Variants in CRISPLD2 observed in about 807,000 individuals in gnomAD.
The protein encoded by CRISPLD2 is cysteine rich secretory protein LCCL domain containing 2.
Under a neutral mutation model 71.1 loss-of-function variants are expected in CRISPLD2, and 47 were observed. That is an observed-to-expected ratio of 0.66 (90% CI 0.52 to 0.84). The LOEUF (loss-of-function observed/expected upper bound fraction) is 0.84, where lower values mean the gene tolerates loss of function less well. CRISPLD2 is among the 40% of genes least tolerant of loss of function. The pLI is 0.00. For synonymous variants in CRISPLD2, 317 were observed against 250.1 expected, an observed-to-expected ratio of 1.27 and a Z score of -2.52; for missense variants, 830 against 651.1, an observed-to-expected ratio of 1.27 and a Z score of -2.99.
chr16:84,825,349 G>A (rs1002241532), intron 1 of CRISPLD2, among the ~76,000 whole-genome samples: 1 of 152,188 alleles, frequency 6.6e-6, no homozygotes, highest in African/African-American at 2.4e-5. Context: ...GATTGCCTGA[G>A]CCCAGGAGTT....
At chr16:84,894,376 CAGTG>C (rs1343766259) in intron 14 of CRISPLD2, among the ~76,000 whole-genome samples, 4 of 152,192 alleles carry the variant, frequency 2.6e-5, no homozygotes, top group South Asian at 2.1e-4. Flanking sequence ...TAAACAATGA[CAGTG>C]AGCATTCTTG....
intron 6 of CRISPLD2, among the ~76,000 whole-genome samples, chr16:84,862,607 C>T (rs1917414798): frequency 6.6e-6 from 1 of 150,584 alleles, no homozygotes; most frequent in Admixed American, 6.6e-5. Flanking sequence ...CTCAGGCTTT[C>T]AGAAGTTATG....
chr16:84,888,779 C>G (rs970962081), intron 13 of CRISPLD2, among the ~76,000 whole-genome samples: 3 of 152,216 alleles, frequency 2.0e-5, no homozygotes, highest in African/African-American at 7.2e-5. Flanking sequence ...TGACTGTTTC[C>G]TTTATGTCGT....
intron 4 of CRISPLD2, among the ~76,000 whole-genome samples, chr16:84,849,891 T>C (rs1917034699): frequency 9.9e-6 from 1 of 100,580 alleles, no homozygotes; most frequent in Non-Finnish European, 2.3e-5. Context: ...CTAATTTTTG[T>C]ATTTTTTTTT....
At chr16:84,821,585 T>C (rs1402330428) in intron 1 of CRISPLD2, among the ~76,000 whole-genome samples, 3 of 152,196 alleles carry the variant, frequency 2.0e-5, no homozygotes, top group African/African-American at 7.2e-5. Flanking sequence ...TTGACCCTGC[T>C]TTCTTTAAGA....
intron 13 of CRISPLD2, among the ~76,000 whole-genome samples, chr16:84,882,680 C>T (rs139879665): frequency 6.6e-6 from 1 of 152,318 alleles, no homozygotes; most frequent in Non-Finnish European, 1.5e-5. Flanking sequence ...GTTGGGATTA[C>T]CAACATGAGC....
At chr16:84,886,429 G>A (rs1484063351) in intron 13 of CRISPLD2, among the ~76,000 whole-genome samples, 1 of 152,198 alleles carries the variant, frequency 6.6e-6, no homozygotes, top group African/African-American at 2.4e-5. Context: ...TGCCAGGGAT[G>A]GTGGTGGGCT....
chr16:84,898,584 G>C (rs1352931296), intron 14 of CRISPLD2, among the ~76,000 whole-genome samples: 1 of 152,164 alleles, frequency 6.6e-6, no homozygotes, highest in Non-Finnish European at 1.5e-5. Context: ...CCTGCTCCCT[G>C]ATGGATCTGT....
chr16:84,888,571 C>G (rs1258032569), intron 13 of CRISPLD2, among the ~76,000 whole-genome samples: 1 of 152,328 alleles, frequency 6.6e-6, no homozygotes, highest in African/African-American at 2.4e-5. Flanking sequence ...AGTCCAGACG[C>G]CACCCTGTGT....
intron 13 of CRISPLD2, among the ~76,000 whole-genome samples, chr16:84,884,952 C>T (rs187846190): frequency 6.6e-6 from 1 of 152,218 alleles, no homozygotes; most frequent in East Asian, 1.9e-4. Context: ...CCTGGCGTTC[C>T]ACTGGGAAAC....
chr16:84,843,002 T>C (rs1487277313), intron 2 of CRISPLD2, among the ~76,000 whole-genome samples: 2 of 152,170 alleles, frequency 1.3e-5, no homozygotes, highest in East Asian at 3.8e-4. Context: ...CCCGGTTTCA[T>C]GCAAGACTTA....
At chr16:84,820,463 C>G (rs1293752120) in intron 1 of CRISPLD2, among the ~76,000 whole-genome samples, 8 of 152,194 alleles carry the variant, frequency 5.3e-5, no homozygotes, top group Admixed American at 2.0e-4. Context: ...TGTTGCATTC[C>G]TGTGTTCGTA....
chr16:84,894,624 GC>G (rs1365139249), intron 14 of CRISPLD2, among the ~76,000 whole-genome samples: 2 of 152,132 alleles, frequency 1.3e-5, no homozygotes, highest in Admixed American at 1.3e-4. Flanking sequence ...GTTTCTAGAA[GC>G]CAAAGGAAGA....
chr16:84,885,893 A>C (rs1224630600), intron 13 of CRISPLD2, among the ~76,000 whole-genome samples: 4 of 131,282 alleles, frequency 3.0e-5, no homozygotes, highest in Admixed American at 1.9e-4. Context: ...ATCACAGCCC[A>C]CTGTGACCTC....
intron 11 of CRISPLD2, among the ~76,000 whole-genome samples, chr16:84,876,049 C>A (rs1251071701): frequency 6.6e-6 from 1 of 152,184 alleles, no homozygotes; most frequent in Non-Finnish European, 1.5e-5. Context: ...TAAATCCTGC[C>A]TATTGCCTGC....
At chr16:84,825,022 T>C (rs1252963380) in intron 1 of CRISPLD2, among the ~76,000 whole-genome samples, 1 of 152,120 alleles carries the variant, frequency 6.6e-6, no homozygotes, top group Non-Finnish European at 1.5e-5. Flanking sequence ...AAGAATTGCT[T>C]GAACCCGGGA....
At chr16:84,883,842 ATTT>A (rs11371326) in intron 13 of CRISPLD2, among the ~76,000 whole-genome samples, 3 of 133,118 alleles carry the variant, frequency 2.3e-5, no homozygotes, top group Admixed American at 7.8e-5. Flanking sequence ...GTCTTATTTA[ATTT>A]TTTTTTTTTT....
chr16:84,852,170 C>T (rs562452950), intron 5 of CRISPLD2, among the ~76,000 whole-genome samples: 2 of 152,214 alleles, frequency 1.3e-5, no homozygotes, highest in Admixed American at 6.5e-5. Flanking sequence ...CACCTGTTGA[C>T]GTCGTTTAAC....
chr16:84,829,993 C>G (rs907811065), intron 1 of CRISPLD2, among the ~76,000 whole-genome samples: 3 of 152,216 alleles, frequency 2.0e-5, no homozygotes, highest in Non-Finnish European at 4.4e-5. Flanking sequence ...CTGCAGCCAG[C>G]TTGGACTGGC....
Sources: gnomAD v4.1 joint callset for allele counts (sites outside exome capture counted in the v4.1 genomes callset) on GRCh38, gnomAD v4.1.1 for gene constraint, MANE v1.5 for transcripts, NCBI Gene and HGNC (gene_info 2026-07-23, HGNC 2026-07-21) for gene names.